The following PHF24 variants were observed in gnomAD, a reference collection of about 807,000 sequenced individuals.
PHF24 encodes PHD finger protein 24.
Under a neutral mutation model 42.6 loss-of-function variants are expected in PHF24, and 25 were observed. The ratio of observed to expected loss-of-function variants is 0.59; its 90% CI spans 0.43 to 0.82. The LOEUF is 0.82. PHF24 is among the 40% of genes least tolerant of loss of function. PHF24 has a pLI of 0.00. For missense variants in PHF24, 470 were observed against 538.1 expected, an observed-to-expected ratio of 0.87 and a Z score of 1.25; for synonymous variants, 185 against 204.8, an observed-to-expected ratio of 0.90 and a Z score of 0.83.
the PHF24 span, among the ~76,000 whole-genome samples, chr9:34,793,436 A>G: frequency 6.6e-6 from 1 of 152,200 alleles, no homozygotes; most frequent in Non-Finnish European, 1.5e-5. Flanking sequence ...GGTAAAATGA[A>G]TTAAGCACAT....
the PHF24 span, chr9:34,691,283 C>A: frequency 1.7e-6 from 1 of 590,428 alleles, no homozygotes. Context: ...GAATGTGAGC[C>A]CTGCAGCTGA....
chr9:34,962,450 T>C (rs549598399), intron 1 of PHF24, among the ~76,000 whole-genome samples: 5 of 152,146 alleles, frequency 3.3e-5, no homozygotes, highest in Non-Finnish European at 5.9e-5. Flanking sequence ...CCTACACTTA[T>C]GCCCCCTGCA....
chr9:34,691,176 G>C, the PHF24 span: 2 of 1,603,946 alleles, frequency 1.2e-6, no homozygotes, highest in South Asian at 2.2e-5. Context: ...GTGAATGTGT[G>C]AGCGCCAGCT....
chr9:34,668,995 G>C, the PHF24 span, among the ~76,000 whole-genome samples: 3 of 152,164 alleles, frequency 2.0e-5, no homozygotes, highest in Non-Finnish European at 4.4e-5. Context: ...GTGAAAGGCT[G>C]ATCAAAGACC....
At chr9:34,773,423 T>G in the PHF24 span, among the ~76,000 whole-genome samples, 2 of 149,036 alleles carry the variant, frequency 1.3e-5, no homozygotes, top group Non-Finnish European at 3.0e-5. Context: ...AAGAAACAAG[T>G]GCTAAAAAAA....
chr9:34,932,738 A>G, the PHF24 span, among the ~76,000 whole-genome samples: 1 of 151,680 alleles, frequency 6.6e-6, no homozygotes, highest in Non-Finnish European at 1.5e-5. Flanking sequence ...ATATGTAAGT[A>G]TATACTTAAG....
chr9:34,732,232 G>A, the PHF24 span, among the ~76,000 whole-genome samples: 1 of 151,956 alleles, frequency 6.6e-6, no homozygotes, highest in Non-Finnish European at 1.5e-5. Context: ...GTGTACAAGG[G>A]TTCTCTTTTT....
At chr9:34,680,714 A>AT in the PHF24 span, among the ~76,000 whole-genome samples, 52 of 105,088 alleles carry the variant, frequency 4.9e-4, no homozygotes, top group African/African-American at 1.5e-3. Context: ...AAATAAAAAA[A>AT]AAAATAAAAT....
At chr9:34,700,526 G>T in the PHF24 span, among the ~76,000 whole-genome samples, 2 of 152,214 alleles carry the variant, frequency 1.3e-5, no homozygotes, top group East Asian at 3.8e-4. Context: ...TTAACAAGAT[G>T]AGGATGATTG....
At chr9:34,908,480 T>C in the PHF24 span, among the ~76,000 whole-genome samples, 1 of 152,080 alleles carries the variant, frequency 6.6e-6, no homozygotes, top group South Asian at 2.1e-4. Context: ...ATAAGTGCAG[T>C]GGAGAAAAAT....
At chr9:34,775,175 G>A in the PHF24 span, among the ~76,000 whole-genome samples, 9 of 152,162 alleles carry the variant, frequency 5.9e-5, no homozygotes, top group Non-Finnish European at 1.3e-4. Flanking sequence ...CAGATGAAGA[G>A]ATAAACAATA....
chr9:34,733,850 G>A, the PHF24 span, among the ~76,000 whole-genome samples: 1 of 152,000 alleles, frequency 6.6e-6, no homozygotes, highest in Non-Finnish European at 1.5e-5. Flanking sequence ...TTCTCTTCCT[G>A]AAGTTATAAA....
the PHF24 span, among the ~76,000 whole-genome samples, chr9:34,878,774 C>T: frequency 1.3e-5 from 2 of 152,220 alleles, no homozygotes; most frequent in African/African-American, 2.4e-5. Context: ...CCTCTGTAGA[C>T]TTCACGTCTG....
exon 8 of PHF24, chr9:34,978,111 G>A (rs769467182): frequency 6.2e-7 from 1 of 1,612,254 alleles, no homozygotes; most frequent in East Asian, 2.2e-5. Context: ...CCCCAGGATA[G>A]CATGGAGCAG....
At chr9:34,780,433 C>T in the PHF24 span, among the ~76,000 whole-genome samples, 1 of 150,740 alleles carries the variant, frequency 6.6e-6, no homozygotes, top group Non-Finnish European at 1.5e-5. Context: ...AGTACAGGAG[C>T]ACACCACCAC....
chr9:34,852,774 T>C, the PHF24 span, among the ~76,000 whole-genome samples: 1 of 152,232 alleles, frequency 6.6e-6, no homozygotes, highest in Non-Finnish European at 1.5e-5. Flanking sequence ...TGAATCTGAC[T>C]GGAGACCTTT....
At chr9:34,971,257 A>G (rs780778056) in intron 1 of PHF24, 38 bp from the exon 2 acceptor site, 6 of 1,549,800 alleles carry the variant, frequency 3.9e-6, no homozygotes, top group African/African-American at 2.7e-5. Flanking sequence ...ATCCTCAGCC[A>G]TTGGCTGAAC....
the PHF24 span, among the ~76,000 whole-genome samples, chr9:34,810,899 C>T: frequency 1.7e-4 from 26 of 152,240 alleles, no homozygotes; most frequent in African/African-American, 6.0e-4. Context: ...AGTGAGGCCT[C>T]TAAAGGAAAG....
chr9:34,827,036 A>G, the PHF24 span, among the ~76,000 whole-genome samples: 2 of 152,212 alleles, frequency 1.3e-5, no homozygotes, highest in South Asian at 4.2e-4. Context: ...TCCTGAAGCT[A>G]TCAGTTTCAG....
Sources: allele counts gnomAD v4.1 joint callset (sites outside exome capture counted in the v4.1 genomes callset), GRCh38; gene constraint gnomAD v4.1.1; transcripts MANE v1.5; gene names NCBI Gene and HGNC (gene_info 2026-07-23, HGNC 2026-07-21).